The following FHOD3 variants were observed in gnomAD, a reference collection of about 807,000 sequenced individuals.
FHOD3 encodes the protein FH1/FH2 domain-containing protein 3.
In FHOD3, 90 loss-of-function variants were observed where a neutral mutation model predicts 173.0. The observed-to-expected ratio is 0.52, with a 90% confidence interval of 0.44 to 0.62. The LOEUF (loss-of-function observed/expected upper bound fraction) is 0.62. Ranked by LOEUF, FHOD3 falls within the 20% of genes least tolerant of loss-of-function variation. The pLI, the probability that FHOD3 is intolerant of heterozygous loss-of-function variation, is 0.00. For missense variants in FHOD3, 1,945 were observed against 2,034.7 expected (o/e 0.96, Z 0.85); for synonymous variants, 828 against 823.0 (o/e 1.01, Z -0.10).
chr18:36,664,930 C>G (rs1162780375), intron 14 of FHOD3, among the ~76,000 whole-genome samples: 1 of 151,914 alleles, frequency 6.6e-6, no homozygotes, highest in Non-Finnish European at 1.5e-5. Context: ...TGAGACCAGC[C>G]CAGGCAACAA....
At chr18:36,559,379 T>A (rs866359848) in intron 5 of FHOD3, among the ~76,000 whole-genome samples, 1 of 152,146 alleles carries the variant, frequency 6.6e-6, no homozygotes, top group Non-Finnish European at 1.5e-5. Flanking sequence ...ACCGGTGACA[T>A]CAGTCCTCCT....
At chr18:36,667,399 C>A (rs541605623) in intron 14 of FHOD3, among the ~76,000 whole-genome samples, 110 of 152,188 alleles carry the variant, frequency 7.2e-4, no homozygotes, top group African/African-American at 2.5e-3. Context: ...ATGAAATAAT[C>A]TGTATGAATT....
chr18:36,519,737 C>T (rs2056177812), intron 5 of FHOD3, among the ~76,000 whole-genome samples: 1 of 152,162 alleles, frequency 6.6e-6, no homozygotes, highest in African/African-American at 2.4e-5. Flanking sequence ...CTGGGCTACT[C>T]CATGGGTGGG....
At chr18:36,305,404 A>G (rs1057041162) in intron 1 of FHOD3, among the ~76,000 whole-genome samples, 1 of 152,244 alleles carries the variant, frequency 6.6e-6, no homozygotes, top group African/African-American at 2.4e-5. Flanking sequence ...ATAGAAAGGT[A>G]TTCCTAGACT....
chr18:36,769,941 G>T (rs2150377078), intron 28 of FHOD3, among the ~76,000 whole-genome samples: 2 of 152,232 alleles, frequency 1.3e-5, no homozygotes, highest in South Asian at 4.1e-4. Context: ...ATTTAACGTG[G>T]CCTAGGTTGA....
At chr18:36,353,371 A>G (rs1202780920) in intron 1 of FHOD3, among the ~76,000 whole-genome samples, 1 of 152,260 alleles carries the variant, frequency 6.6e-6, no homozygotes. Context: ...GGGGTTTCTA[A>G]CAAGAATTAA....
chr18:36,572,672 A>G (rs1300488701), intron 5 of FHOD3, among the ~76,000 whole-genome samples: 1 of 152,148 alleles, frequency 6.6e-6, no homozygotes, highest in African/African-American at 2.4e-5. Context: ...GCCTTCTCCC[A>G]TTGTAATAGT....
At chr18:36,767,671 A>G (rs1334016890) in intron 27 of FHOD3, among the ~76,000 whole-genome samples, 1 of 152,212 alleles carries the variant, frequency 6.6e-6, no homozygotes, top group African/African-American at 2.4e-5. Context: ...CACAGGTTTT[A>G]TGTACATGCA....
intron 5 of FHOD3, among the ~76,000 whole-genome samples, chr18:36,550,314 T>A (rs1040920291): frequency 4.0e-5 from 6 of 150,048 alleles, no homozygotes; most frequent in Non-Finnish European, 7.4e-5. Flanking sequence ...TCTGTTTGCC[T>A]GTCGTATTGC....
At chr18:36,531,906 G>T (rs1479228404) in intron 5 of FHOD3, among the ~76,000 whole-genome samples, 1 of 152,202 alleles carries the variant, frequency 6.6e-6, no homozygotes, top group African/African-American at 2.4e-5. Flanking sequence ...ACTCTCTCCT[G>T]CCCTGCCCAG....
chr18:36,743,498 C>A (rs1321981181), intron 22 of FHOD3, among the ~76,000 whole-genome samples: 4 of 151,988 alleles, frequency 2.6e-5, no homozygotes, highest in Non-Finnish European at 5.9e-5. Flanking sequence ...AATACTCATG[C>A]TTATAAGCAT....
At chr18:36,532,959 C>T (rs1426919867) in intron 5 of FHOD3, among the ~76,000 whole-genome samples, 3 of 152,194 alleles carry the variant, frequency 2.0e-5, no homozygotes, top group Admixed American at 6.5e-5. Context: ...CTGTCCCCAG[C>T]GTGATGCCCC....
chr18:36,705,772 G>T lies in FHOD3; in HGVS notation c.2237-3323G>T, dbSNP rs1029665198. ...AGAAGTTGTAAACATTCCTAGGAGG[G>T]AAACAAGCACCTTTTCTCCCTAGTT... On this transcript the variant is annotated intron_variant, in intron 17 of 28. Coordinates refer to ENST00000590592, the MANE Select transcript of FHOD3 (RefSeq NM_001281740.3). Among the ~76,000 whole-genome samples the T allele has an allele frequency of 2.0e-5, 3 of 152,170 alleles. No homozygotes were observed. The East Asian group carries it at 5.8e-4, about 29-fold the overall frequency.
intron 5 of FHOD3, among the ~76,000 whole-genome samples, chr18:36,513,930 C>T (rs531966624): frequency 6.6e-6 from 1 of 151,822 alleles, no homozygotes; most frequent in East Asian, 1.9e-4. Flanking sequence ...TGTCTACTTT[C>T]AGTCTTTTTC....
intron 3 of FHOD3, among the ~76,000 whole-genome samples, chr18:36,455,578 A>T (rs1026691972): frequency 5.0e-5 from 2 of 39,928 alleles, no homozygotes; most frequent in Non-Finnish European, 8.2e-5. Context: ...CCTTTAATTA[A>T]AAAAAAAAAA....
chr18:36,551,927 G>T (rs565149929), intron 5 of FHOD3, among the ~76,000 whole-genome samples: 8 of 152,290 alleles, frequency 5.3e-5, no homozygotes, highest in African/African-American at 1.4e-4. Context: ...AAGTCAGGTA[G>T]CGTGATGCCT....
At chr18:36,369,113 G>T (rs1380412707) in intron 2 of FHOD3, among the ~76,000 whole-genome samples, 1 of 152,154 alleles carries the variant, frequency 6.6e-6, no homozygotes, top group Non-Finnish European at 1.5e-5. Flanking sequence ...GTCCCATAGT[G>T]GGGAAGGGAG....
intron 8 of FHOD3, 59 bp downstream of exon 8, chr18:36,602,827 GA>G (rs2031572392): frequency 7.7e-7 from 1 of 1,303,426 alleles, no homozygotes; most frequent in Admixed American, 1.7e-5. Flanking sequence ...TTAAAGCCCT[GA>G]CCCCTGGTAT....
At position 36,718,058 on chromosome 18, in the gene FHOD3, T is replaced by A. The variant is rs561221195; in HGVS notation, c.2760T>A (p.Asp920Glu). The change falls in exon 19 of 29, where the codon GAT (aspartate) becomes GAA (glutamate). Residue 920 changes from aspartate (D) to glutamate (E), a missense_variant. This residue lies in a region of FHOD3 where 1,099 missense variants were observed against 1,051.2 expected (regional missense o/e 1.05). Transcript: ENST00000590592. ...TGCAGGCCAACTCTCAGACCCAGGA[T>A]GAGAGTGTCAGGAGGGTGGATGTCG... ...STLQANSQTQ[D>E]ESVRRVDVGC... 1.9e-6 allele frequency: 3 copies of A among 1,600,604 alleles called. No homozygotes were observed. In the African/African-American group the frequency reaches 4.0e-5, roughly 21 times the overall value.
Sources: allele counts gnomAD v4.1 joint callset (sites outside exome capture counted in the v4.1 genomes callset), GRCh38; gene constraint gnomAD v4.1.1; regional missense constraint gnomAD v4.1.1; transcripts MANE v1.5; gene names NCBI Gene and HGNC (gene_info 2026-07-23, HGNC 2026-07-21).